The following BTG4 variants were observed in gnomAD, a reference collection of about 807,000 sequenced individuals.
BTG4 encodes the protein protein BTG4.
In BTG4, 10 loss-of-function variants were observed where a neutral mutation model predicts 19.3. That is an observed-to-expected ratio of 0.52 (90% CI 0.32 to 0.88). BTG4 has a LOEUF of 0.88. Ranked by LOEUF, BTG4 falls within the 40% of genes least tolerant of loss-of-function variation. BTG4 has a pLI of 0.04. For synonymous variants in BTG4, 91 were observed against 95.7 expected, an observed-to-expected ratio of 0.95 and a Z score of 0.29; for missense variants, 238 against 281.9, an observed-to-expected ratio of 0.84 and a Z score of 1.11.
rs558630868 is a variant in BTG4 at position 111,498,719 on chromosome 11, C to T, written c.58G>A (p.Asp20Asn). 3.1e-6 allele frequency: 5 copies of T among 1,613,310 alleles called. No homozygotes were observed. The highest frequency in any genetic ancestry group is 1.7e-5 in the Admixed American group (1 of 59,894). Residue 20 changes from aspartate (D) to asparagine (N), a missense_variant, in exon 2 of 5, where the codon GAT becomes AAT. Asp to Asn is a conservative substitution (Grantham distance 23). Transcript: ENST00000692032. Reference protein sequence around the residue: ...FFVTRLVKKHDKLSKQQIEDF... With the variant: ...FFVTRLVKKHNKLSKQQIEDF... ...TCTATTTGCTGTTTACTTAGTTTATCATGTTTTTTCACCAATCTTGTGACA... is the reference window on the plus strand; with the variant it reads ...TCTATTTGCTGTTTACTTAGTTTATTATGTTTTTTCACCAATCTTGTGACA...
the BTG4 span, among the ~76,000 whole-genome samples, chr11:111,433,000 T>C: frequency 7.9e-5 from 12 of 152,054 alleles, no homozygotes; most frequent in Non-Finnish European, 1.6e-4. Context: ...CCTCAAGTAA[T>C]ATATCTGTCT....
intron 1 of BTG4, among the ~76,000 whole-genome samples, chr11:111,503,652 G>A (rs1221542866): frequency 6.6e-6 from 1 of 152,140 alleles, no homozygotes. Flanking sequence ...CTGGCCATTT[G>A]GAGTGAGGAT....
chr11:111,468,933 C>G (rs950432217), intron 5 of BTG4, among the ~76,000 whole-genome samples: 1 of 152,168 alleles, frequency 6.6e-6, no homozygotes, highest in African/African-American at 2.4e-5. Flanking sequence ...AAAAGAGATA[C>G]ACAAGTAACT....
chr11:111,435,365 A>G, the BTG4 span, among the ~76,000 whole-genome samples: 1 of 152,022 alleles, frequency 6.6e-6, no homozygotes, highest in Non-Finnish European at 1.5e-5. Flanking sequence ...CACCGCCACC[A>G]CCGCCACGGG....
At chr11:111,485,265 C>T (rs984695172) in intron 5 of BTG4, among the ~76,000 whole-genome samples, 1 of 152,262 alleles carries the variant, frequency 6.6e-6, no homozygotes, top group Non-Finnish European at 1.5e-5. Flanking sequence ...ACCTAACAGA[C>T]ATTTACAGAA....
At chr11:111,393,977 CTG>C in the BTG4 span, among the ~76,000 whole-genome samples, 1 of 152,216 alleles carries the variant, frequency 6.6e-6, no homozygotes, top group Non-Finnish European at 1.5e-5. Flanking sequence ...ACTTAATGCT[CTG>C]TGTCTTGATT....
the BTG4 span, among the ~76,000 whole-genome samples, chr11:111,389,769 C>G: frequency 6.6e-6 from 1 of 152,184 alleles, no homozygotes; most frequent in Non-Finnish European, 1.5e-5. Flanking sequence ...AACTGATCGG[C>G]ATGAGTACGT....
intron 5 of BTG4, among the ~76,000 whole-genome samples, chr11:111,472,512 C>T (rs1864131796): frequency 6.6e-6 from 1 of 152,188 alleles, no homozygotes; most frequent in African/African-American, 2.4e-5. Context: ...CATGGGACAG[C>T]TCCCAGAGCA....
chr11:111,454,257 A>C, the BTG4 span: 1 of 456,044 alleles, frequency 2.2e-6, no homozygotes, highest in Non-Finnish European at 4.4e-6. Context: ...GAGGCTGAGG[A>C]GCAGGTAGAT....
chr11:111,434,720 T>C, the BTG4 span, among the ~76,000 whole-genome samples: 1 of 148,908 alleles, frequency 6.7e-6, no homozygotes, highest in African/African-American at 2.5e-5. Flanking sequence ...AAAAAAAAAG[T>C]TTGTCCGTAG....
intron 5 of BTG4, among the ~76,000 whole-genome samples, chr11:111,488,772 C>CA (rs1865218161): frequency 6.6e-6 from 1 of 152,166 alleles, no homozygotes; most frequent in African/African-American, 2.4e-5. Flanking sequence ...TTTTTTTGGA[C>CA]AAAAAATCCA....
chr11:111,468,826 G>C (rs1031467994), intron 5 of BTG4, among the ~76,000 whole-genome samples: 17 of 152,102 alleles, frequency 1.1e-4, no homozygotes, highest in Non-Finnish European at 2.9e-5. Flanking sequence ...AGGAATTTGG[G>C]GATGGGTCTC....
At chr11:111,422,748 T>C in the BTG4 span, among the ~76,000 whole-genome samples, 1 of 152,064 alleles carries the variant, frequency 6.6e-6, no homozygotes, top group African/African-American at 2.4e-5. Context: ...CCCTGCTCAA[T>C]AAGAATGGAC....
chr11:111,389,230 C>G, the BTG4 span, among the ~76,000 whole-genome samples: 1 of 151,826 alleles, frequency 6.6e-6, no homozygotes, highest in African/African-American at 2.4e-5. Context: ...GGGAAAGTAA[C>G]TTGAATAAAT....
At chr11:111,415,753 A>T in the BTG4 span, among the ~76,000 whole-genome samples, 2 of 152,148 alleles carry the variant, frequency 1.3e-5, no homozygotes, top group Non-Finnish European at 2.9e-5. Flanking sequence ...TTAGAAATAC[A>T]GTGGAGGTCA....
chr11:111,496,568 T>C (rs1865744151), intron 4 of BTG4: 1 of 152,162 alleles, frequency 6.6e-6, no homozygotes, highest in Admixed American at 6.5e-5. Context: ...TAAGAGAACA[T>C]ACAAACAAAT....
the BTG4 span, chr11:111,460,398 T>TATTC: frequency 3.3e-5 from 5 of 152,576 alleles, no homozygotes; most frequent in African/African-American, 1.2e-4. Flanking sequence ...TGTATTCATT[T>TATTC]ATTCATTCAT....
chr11:111,512,590 G>A (rs1867030589), upstream of BTG4, among the ~76,000 whole-genome samples: 2 of 152,300 alleles, frequency 1.3e-5, no homozygotes, highest in African/African-American at 2.4e-5. Context: ...CCCGGGCCGA[G>A]GAGGCGAAGG....
chr11:111,477,440 C>A (rs1222796067), intron 5 of BTG4, among the ~76,000 whole-genome samples: 1 of 152,030 alleles, frequency 6.6e-6, no homozygotes, highest in Non-Finnish European at 1.5e-5. Flanking sequence ...AGACCCTTTT[C>A]CAAAAATATA....
Sources: gnomAD v4.1 joint callset for allele counts (sites outside exome capture counted in the v4.1 genomes callset) on GRCh38, gnomAD v4.1.1 for gene constraint, MANE v1.5 for transcripts, NCBI Gene and HGNC (gene_info 2026-07-23, HGNC 2026-07-21) for gene names.